HHAT: variants seen among roughly 807,000 people sequenced by gnomAD.
HHAT encodes protein-cysteine N-palmitoyltransferase HHAT.
Under a neutral mutation model 70.8 loss-of-function variants are expected in HHAT, and 47 were observed. The observed-to-expected ratio is 0.66, with a 90% CI of 0.53 to 0.85. HHAT has a LOEUF of 0.85. Ranked by LOEUF, HHAT falls within the 40% of genes least tolerant of loss-of-function variation. HHAT has a pLI of 0.00. For synonymous variants in HHAT, 228 were observed against 247.6 expected (o/e 0.92, Z 0.74); for missense variants, 609 against 604.8 (o/e 1.01, Z -0.07).
chr1:210,455,342 C>G (rs946524793), intron 7 of HHAT, among the ~76,000 whole-genome samples: 2 of 152,212 alleles, frequency 1.3e-5, no homozygotes, highest in African/African-American at 4.8e-5. Context: ...CCACAACACA[C>G]CGCACCCTCA....
intron 11 of HHAT, among the ~76,000 whole-genome samples, chr1:210,629,853 T>G (rs1442177137): frequency 4.2e-5 from 3 of 71,584 alleles, no homozygotes; most frequent in Admixed American, 1.6e-4. Context: ...TTGTTTTTTG[T>G]TTTTTTTTTT....
chr1:210,657,231 CA>C (rs1183006805), intron 11 of HHAT, among the ~76,000 whole-genome samples: 3 of 152,180 alleles, frequency 2.0e-5, no homozygotes, highest in Admixed American at 6.5e-5. Context: ...GCAGGAGGAC[CA>C]GGGGAGACAG....
At position 210,491,026 on chromosome 1, in the gene HHAT, C is replaced by G. The variant is rs954436584; in HGVS notation, c.1008-22127C>G. The stretch of plus-strand genomic sequence containing the variant: ...TATGCAGCCATCTCACATAAACTGT[C>G]TGAAGACACCATTTTTGTGAGACAC... On this transcript the variant is annotated intron_variant, in intron 8 of 11. Transcript: ENST00000261458. 2.6e-5 allele frequency among the ~76,000 whole-genome samples: 4 copies of G among 151,358 alleles called. No homozygotes were observed. The South Asian group carries it at 6.3e-4, about 24-fold the overall frequency.
intron 9 of HHAT, among the ~76,000 whole-genome samples, chr1:210,568,137 A>G (rs1655223551): frequency 6.6e-6 from 1 of 152,212 alleles, no homozygotes; most frequent in South Asian, 2.1e-4. Flanking sequence ...CTGATCACCA[A>G]TTATTTAATC....
intron 1 of HHAT, among the ~76,000 whole-genome samples, chr1:210,331,214 CT>C (rs1166506089): frequency 6.6e-6 from 1 of 151,946 alleles, no homozygotes; most frequent in African/African-American, 2.4e-5. Flanking sequence ...AGTGGGACCC[CT>C]GAGCTTGTTT....
chr1:210,605,893 G>C (rs1363282693), intron 10 of HHAT, among the ~76,000 whole-genome samples: 1 of 149,798 alleles, frequency 6.7e-6, no homozygotes, highest in Non-Finnish European at 1.5e-5. Context: ...TTTTGCTCTT[G>C]TTGCCCAGGC....
chr1:210,435,192 T>C (rs1422873979), intron 7 of HHAT, among the ~76,000 whole-genome samples: 1 of 151,920 alleles, frequency 6.6e-6, no homozygotes, highest in Non-Finnish European at 1.5e-5. Context: ...GATTCACTTT[T>C]ATATCTCTGA....
At chr1:210,357,807 G>A (rs1446689410) in intron 2 of HHAT, among the ~76,000 whole-genome samples, 1 of 152,174 alleles carries the variant, frequency 6.6e-6, no homozygotes, top group African/African-American at 2.4e-5. Flanking sequence ...GCGACAGAGT[G>A]AGACTCCATC....
intron 9 of HHAT, among the ~76,000 whole-genome samples, chr1:210,555,116 A>G (rs969742313): frequency 6.6e-6 from 1 of 152,164 alleles, no homozygotes; most frequent in Non-Finnish European, 1.5e-5. Context: ...AACCAATAAA[A>G]GTTTTCCACA....
At chr1:210,499,999 G>A (rs1202852788) in intron 8 of HHAT, among the ~76,000 whole-genome samples, 1 of 152,118 alleles carries the variant, frequency 6.6e-6, no homozygotes, top group Non-Finnish European at 1.5e-5. Flanking sequence ...AATGACTGTT[G>A]TCTTTTGAGT....
chr1:210,543,038 T>C (rs1219653205), intron 9 of HHAT, among the ~76,000 whole-genome samples: 4 of 152,198 alleles, frequency 2.6e-5, no homozygotes, highest in Non-Finnish European at 4.4e-5. Flanking sequence ...TTCATTGTAA[T>C]GACCACAGTT....
At chr1:210,364,953 A>G (rs1449458520) in intron 3 of HHAT, among the ~76,000 whole-genome samples, 1 of 152,048 alleles carries the variant, frequency 6.6e-6, no homozygotes, top group Non-Finnish European at 1.5e-5. Context: ...CCATTCATCT[A>G]CCAGTGCTCT....
At chr1:210,396,073 A>G (rs137977152) in intron 4 of HHAT, among the ~76,000 whole-genome samples, 1 of 152,140 alleles carries the variant, frequency 6.6e-6, no homozygotes, top group Admixed American at 6.5e-5. Context: ...GCTTAAGTCA[A>G]CCAGGGTTAG....
chr1:210,394,357 A>G (rs776530630), intron 4 of HHAT, among the ~76,000 whole-genome samples: 2 of 148,216 alleles, frequency 1.3e-5, no homozygotes, highest in Admixed American at 6.9e-5. Context: ...TTTTGGTGAG[A>G]CTTCATCAGG....
In HHAT at chr1:210,489,760, T is replaced by A. The variant is rs181348399; in HGVS notation, c.1008-23393T>A. Among the ~76,000 whole-genome samples the A allele has an allele frequency of 5.9e-5, 9 of 152,322 alleles. No homozygotes were observed. In the East Asian group the frequency reaches 1.7e-3, roughly 29 times the overall value. On this transcript the variant is annotated intron_variant, in intron 8 of 11. Transcript: ENST00000261458. ...GAATCTGGGAAAACTGCCCATGACC[T>A]TCTTAAGCAGAGCACATACCTTTGG...
intron 11 of HHAT, among the ~76,000 whole-genome samples, chr1:210,673,957 CTT>C (rs1318957937): frequency 1.6e-4 from 23 of 141,536 alleles, no homozygotes; most frequent in African/African-American, 4.1e-4. Flanking sequence ...TGCCCTATTT[CTT>C]TTTTTTTTTT....
At chr1:210,561,974 T>C in intron 9 of HHAT, among the ~76,000 whole-genome samples, 1 of 152,170 alleles carries the variant, frequency 6.6e-6, no homozygotes. Context: ...TGGCTGCTCA[T>C]AGTAGATGTT....
At chr1:210,537,679 T>G (rs2095388201) in intron 9 of HHAT, among the ~76,000 whole-genome samples, 1 of 152,144 alleles carries the variant, frequency 6.6e-6, no homozygotes, top group Non-Finnish European at 1.5e-5. Context: ...TAGAGGAAAA[T>G]GTACCCTGAA....
At chr1:210,617,361 A>G (rs1317578125) in intron 10 of HHAT, among the ~76,000 whole-genome samples, 1 of 152,252 alleles carries the variant, frequency 6.6e-6, no homozygotes, top group Non-Finnish European at 1.5e-5. Context: ...AGCATTTTGC[A>G]GAGTAGAGGC....
Sources: gnomAD v4.1 joint callset for allele counts (sites outside exome capture counted in the v4.1 genomes callset) on GRCh38, gnomAD v4.1.1 for gene constraint, MANE v1.5 for transcripts, NCBI Gene and HGNC (gene_info 2026-07-23, HGNC 2026-07-21) for gene names.